Variants in GAN observed in about 807,000 individuals in gnomAD.
The protein encoded by GAN is gigaxonin.
In GAN, 48 loss-of-function variants were observed where a neutral mutation model predicts 71.3. The observed-to-expected ratio is 0.67, with a 90% CI of 0.53 to 0.86. GAN has a LOEUF of 0.86. Among genes scored for constraint, GAN ranks in the 40% least tolerant of loss-of-function variants. The probability of loss-of-function intolerance (pLI) is 0.00; values close to 1 mark genes in which losing one functional copy is unlikely to be tolerated. For missense variants in GAN, 928 were observed against 770.1 expected (o/e 1.21, Z -2.43); for synonymous variants, 386 against 276.8 (o/e 1.39, Z -3.92).
intron 2 of GAN, 147 bp from the exon 3 acceptor site, chr16:81,354,258 G>A: frequency 1.6e-6 from 1 of 608,976 alleles, no homozygotes; most frequent in Non-Finnish European, 2.8e-6. Context: ...AAAAAAAAAT[G>A]CTGGGTTAAA....
Position 81,315,122 on chromosome 16 carries a change from G to C in GAN, c.9G>C (p.Glu3Asp), listed in dbSNP as rs1028262778. 1 of 1,513,236 alleles carries C rather than the reference G, an allele frequency of 6.6e-7. No homozygotes were observed. The highest frequency in any genetic ancestry group is 8.8e-7 in the Non-Finnish European group (1 of 1,130,584). The allele number at this position is 1,513,236 out of a possible 1,614,324, so 93.7% of individuals were successfully genotyped here. A position where few individuals can be genotyped will look rare whatever the true frequency, so the allele number is the denominator to read the frequency against. The change falls in exon 1 of 11, where the codon GAG becomes GAC. Residue 3 changes from glutamate (E) to aspartate (D), a missense_variant. Transcript: ENST00000648994. ...GAGGAGCGGGCGCCGCGATGGCTGA[G>C]GGCAGTGCCGTGTCTGACCCTCAGC... Reference protein sequence around the residue: MAEGSAVSDPQHA... With the variant: MADGSAVSDPQHA...
At chr16:81,317,927 A>G (rs1328169750) in intron 1 of GAN, among the ~76,000 whole-genome samples, 1 of 152,240 alleles carries the variant, frequency 6.6e-6, no homozygotes, top group Non-Finnish European at 1.5e-5. Context: ...CATCAGTGAC[A>G]GATGAATTGC....
chr16:81,358,822 G>A (rs11861886), intron 5 of GAN, among the ~76,000 whole-genome samples: 3,226 of 152,184 alleles, frequency 0.021, 57 homozygotes, highest in East Asian at 0.083. Context: ...TTTTCGCCGT[G>A]GTCCTGCTCC....
At chr16:81,374,686 G>C (rs1201610766) in intron 9 of GAN, among the ~76,000 whole-genome samples, 1 of 152,132 alleles carries the variant, frequency 6.6e-6, no homozygotes, top group Non-Finnish European at 1.5e-5. Context: ...TGTGGCTTCC[G>C]TGTCCTTTGA....
Position 81,387,942 on chromosome 16 carries a change from C to G in GAN, c.*10346C>G, listed in dbSNP as rs7192368. ...TCAGAGCTAGCCGGCTGTGTCTTCT[C>G]CCCGTTTCTTTCACTGGTGAATAAC... is the stretch of plus-strand genomic sequence containing the variant. On this transcript the variant is annotated 3_prime_UTR_variant, in exon 11 of 11. Coordinates refer to ENST00000648994, the MANE Select transcript of GAN (RefSeq NM_022041.4). 86,085 of 152,156 alleles carry G rather than the reference C, an allele frequency of 0.57. 24,555 individuals carry two copies. The highest frequency in any genetic ancestry group is 0.74 in the East Asian group (3,842 of 5,184). 9.4% of individuals were successfully genotyped at this position (152,156 alleles called of 1,614,324 possible).
At chr16:81,326,865 C>T (rs949710774) in intron 1 of GAN, among the ~76,000 whole-genome samples, 2 of 152,202 alleles carry the variant, frequency 1.3e-5, no homozygotes, top group Non-Finnish European at 2.9e-5. Context: ...TATATACTGT[C>T]CATCACGGAC....
chr16:81,359,142 C>T (rs1391879385), intron 5 of GAN, among the ~76,000 whole-genome samples: 3 of 152,116 alleles, frequency 2.0e-5, no homozygotes, highest in Non-Finnish European at 2.9e-5. Flanking sequence ...AGTAGTATAG[C>T]CTGCAGGATG....
At chr16:81,346,712 C>G (rs1197668298) in intron 1 of GAN, among the ~76,000 whole-genome samples, 1 of 152,134 alleles carries the variant, frequency 6.6e-6, no homozygotes, top group Non-Finnish European at 1.5e-5. Flanking sequence ...CCTGAGAAAG[C>G]TGTTCATGGG....
intron 1 of GAN, among the ~76,000 whole-genome samples, chr16:81,350,572 G>C (rs8064146): frequency 0.42 from 63,003 of 150,426 alleles, 13,803 homozygotes; most frequent in Middle Eastern, 0.54. Context: ...CTGGAGTGCA[G>C]TGGCATTATC....
chr16:81,338,007 A>G (rs1909821455), intron 1 of GAN, among the ~76,000 whole-genome samples: 1 of 152,206 alleles, frequency 6.6e-6, no homozygotes, highest in Non-Finnish European at 1.5e-5. Flanking sequence ...AGCTCAGTCA[A>G]GAAATATTCA....
intron 1 of GAN, among the ~76,000 whole-genome samples, chr16:81,338,763 A>T (rs1275148174): frequency 6.6e-6 from 1 of 152,222 alleles, no homozygotes; most frequent in Admixed American, 6.5e-5. Flanking sequence ...GTGGCTGTGA[A>T]TGGCAGAAGG....
intron 1 of GAN, among the ~76,000 whole-genome samples, chr16:81,346,547 G>C (rs771731001): frequency 8.5e-5 from 13 of 152,202 alleles, no homozygotes; most frequent in Non-Finnish European, 1.9e-4. Flanking sequence ...GAGGGATCTA[G>C]GTTGCATGTT....
chr16:81,350,396 A>G lies in GAN; in HGVS notation c.168-1187A>G, dbSNP rs564328901. ...AGTTTATGAATCCGCAGATGCCCTT[A>G]CACATACATAGTATATGAGGCTGTA... On this transcript the variant is annotated intron_variant, in intron 1 of 10. Coordinates refer to ENST00000648994, the MANE Select transcript of GAN (RefSeq NM_022041.4). Among the ~76,000 whole-genome samples, 9 of 152,346 alleles carry G rather than the reference A, an allele frequency of 5.9e-5. No individual in the cohort carries two copies. The South Asian group carries it at 1.7e-3, about 28-fold the overall frequency.
rs1908984825 is a variant in GAN, at chr16:81,315,134, G to C, written c.21G>C (p.Val7=). The C allele has an allele frequency of 1.3e-6, 2 of 1,528,318 alleles. No individual in the cohort carries two copies. The highest frequency in any genetic ancestry group is 1.2e-5 in the South Asian group (1 of 81,566). 94.7% of individuals were successfully genotyped at this position (1,528,318 alleles called of 1,614,324 possible). A position where few individuals can be genotyped will look rare whatever the true frequency, so the allele number is the denominator to read the frequency against. The part of the protein sequence containing the change: MAEGSA[V]SDPQHAARLL... ...CCGCGATGGCTGAGGGCAGTGCCGT[G>C]TCTGACCCTCAGCACGCCGCGCGTC... The change falls in exon 1 of 11, where the codon GTG becomes GTC. Residue 7 remains valine (V), a synonymous_variant. Coordinates refer to ENST00000648994, the MANE Select transcript of GAN (RefSeq NM_022041.4).
chr16:81,377,873 G>A lies in GAN; in HGVS notation c.*277G>A, dbSNP rs574375346. The A allele has an allele frequency of 2.4e-4, 118 of 493,140 alleles. 2 individuals are homozygous for A. The South Asian group carries it at 2.7e-3, about 11-fold the overall frequency. The allele number at this position is 493,140 out of a possible 1,614,324, so 30.5% of individuals were successfully genotyped here. A position where few individuals can be genotyped will look rare whatever the true frequency, so the allele number is the denominator to read the frequency against. ...GCTAGTAAATATCAAAAGGAAAAGG[G>A]AGTGGGAATTGCTATCATGTAAAAT... On this transcript the variant is annotated 3_prime_UTR_variant, in exon 11 of 11. Coordinates refer to ENST00000648994, the MANE Select transcript of GAN (RefSeq NM_022041.4).
chr16:81,347,247 A>G (rs1021196981), intron 1 of GAN, among the ~76,000 whole-genome samples: 1 of 152,360 alleles, frequency 6.6e-6, no homozygotes, highest in East Asian at 1.9e-4. Flanking sequence ...GAGTAAAACC[A>G]TTAGTTCACT....
At chr16:81,353,282 A>C (rs1597400806) in intron 2 of GAN, among the ~76,000 whole-genome samples, 1 of 106,498 alleles carries the variant, frequency 9.4e-6, no homozygotes, top group African/African-American at 4.0e-5. Flanking sequence ...ACAGAGCGAG[A>C]CTCCGTCTCA....
intron 9 of GAN, among the ~76,000 whole-genome samples, chr16:81,366,962 C>G (rs1910878351): frequency 6.6e-6 from 1 of 152,090 alleles, no homozygotes; most frequent in Non-Finnish European, 1.5e-5. Flanking sequence ...GTAGCTGGGA[C>G]TACAGGCGCA....
At chr16:81,353,058 G>A (rs1388281560) in intron 2 of GAN, among the ~76,000 whole-genome samples, 1 of 152,182 alleles carries the variant, frequency 6.6e-6, no homozygotes, top group Non-Finnish European at 1.5e-5. Context: ...TTGGGAGGCC[G>A]AGGCGGGTGG....
Sources: allele counts gnomAD v4.1 joint callset (sites outside exome capture counted in the v4.1 genomes callset), GRCh38; gene constraint gnomAD v4.1.1; transcripts MANE v1.5; gene names NCBI Gene and HGNC (gene_info 2026-07-23, HGNC 2026-07-21).